Variants in ZNF423 observed in about 807,000 individuals in gnomAD.
The protein encoded by ZNF423 is Ebf-associated zinc finger protein.
A neutral mutation model predicts 95.8 loss-of-function variants in ZNF423; 12 were observed. The observed-to-expected ratio is 0.13, with a 90% CI of 0.08 to 0.20. The LOEUF (loss-of-function observed/expected upper bound fraction) is 0.20. Among genes scored for constraint, ZNF423 ranks in the 10% least tolerant of loss-of-function variants. The probability of loss-of-function intolerance (pLI) is 1.00; values close to 1 mark genes in which losing one functional copy is unlikely to be tolerated. For synonymous variants in ZNF423, 749 were observed against 711.9 expected (o/e 1.05, Z -0.83); for missense variants, 1,316 against 1,737.1 (o/e 0.76, Z 4.31).
chr16:49,809,258 G>GCT (rs2034713476), intron 1 of ZNF423, among the ~76,000 whole-genome samples: 1 of 152,258 alleles, frequency 6.6e-6, no homozygotes, highest in Non-Finnish European at 1.5e-5. Context: ...ACACAGAGAA[G>GCT]CTCTCCCACA....
At chr16:49,678,202 A>G (rs1364307782) in intron 3 of ZNF423, among the ~76,000 whole-genome samples, 1 of 151,916 alleles carries the variant, frequency 6.6e-6, no homozygotes, top group Non-Finnish European at 1.5e-5. Context: ...ATAAAATATT[A>G]CATTTTATTT....
chr16:49,761,047 TACATGCACACACACAC>T (rs1347269303), intron 2 of ZNF423, among the ~76,000 whole-genome samples: 1 of 110,236 alleles, frequency 9.1e-6, no homozygotes, highest in Non-Finnish European at 1.8e-5. Context: ...TGCACACACA[TACATGCACACACACAC>T]ACATGCACAC....
intron 3 of ZNF423, among the ~76,000 whole-genome samples, chr16:49,726,112 A>T (rs1281588386): frequency 6.6e-6 from 1 of 152,196 alleles, no homozygotes; most frequent in Non-Finnish European, 1.5e-5. Flanking sequence ...GGCATGTTCC[A>T]GGACTGGCAC....
chr16:49,856,424 C>A (rs1233059998), upstream of ZNF423, among the ~76,000 whole-genome samples: 3 of 109,212 alleles, frequency 2.7e-5, no homozygotes, highest in East Asian at 7.3e-4. Flanking sequence ...CAGTACCCCC[C>A]AGGAAAAAAA....
chr16:49,830,410 C>A (rs1268560766), intron 1 of ZNF423, among the ~76,000 whole-genome samples: 1 of 152,180 alleles, frequency 6.6e-6, no homozygotes, highest in Admixed American at 6.5e-5. Flanking sequence ...GGGTGCTCCC[C>A]AGCAGCCTTT....
chr16:49,787,590 T>C (rs1861335), intron 2 of ZNF423, among the ~76,000 whole-genome samples: 32,213 of 152,076 alleles, frequency 0.21, 3,470 homozygotes, highest in East Asian at 0.32. Context: ...TGCCCAACTA[T>C]GGAATTACAG....
At chr16:49,708,549 C>G (rs1348840203) in intron 3 of ZNF423, among the ~76,000 whole-genome samples, 1 of 152,142 alleles carries the variant, frequency 6.6e-6, no homozygotes, top group African/African-American at 2.4e-5. Context: ...CTCGGCTTCC[C>G]AAAGTGCTGA....
chr16:49,854,374 C>T, intron 1 of ZNF423: 4 of 985,470 alleles, frequency 4.1e-6, no homozygotes, highest in Non-Finnish European at 4.8e-6. Context: ...TGACGAGTGT[C>T]TCAAGATCCT....
Position 49,855,517 on chromosome 16 carries a change from G to A in ZNF423, c.40+218C>T, listed in dbSNP as rs1325279852. 1.0e-5 allele frequency among the ~76,000 whole-genome samples: 1 copy of A among 98,178 alleles called. No individual in the cohort carries two copies. The allele number at this position is 98,178 out of a possible 152,430, so 64.4% of individuals were successfully genotyped here. On this transcript the variant is annotated intron_variant, in intron 1 of 7. Coordinates refer to ENST00000563137, the MANE Select transcript of ZNF423 (RefSeq NM_001379286.1). The surrounding 1 kb of genome is among the most constrained non-coding windows in gnomAD (Gnocchi z 4.7). Reference sequence around the variant, plus strand: ...GTGTCCGCGGCGTACCCCCTCCGCCGCCGCCGCCGCCGCCGCCGCCTCCGC... The same window carrying A: ...GTGTCCGCGGCGTACCCCCTCCGCCACCGCCGCCGCCGCCGCCGCCTCCGC...
At chr16:49,679,392 G>C (rs1444648266) in intron 3 of ZNF423, among the ~76,000 whole-genome samples, 2 of 152,218 alleles carry the variant, frequency 1.3e-5, no homozygotes, top group African/African-American at 4.8e-5. Context: ...AGCCTGGGAG[G>C]CCCCCCTCTC....
chr16:49,858,724 C>CT, upstream of ZNF423, among the ~76,000 whole-genome samples: 1 of 143,064 alleles, frequency 7.0e-6, no homozygotes, highest in Non-Finnish European at 1.6e-5. This position sits in a 1 kb window ranked among gnomAD's most constrained non-coding sequence, Gnocchi z 4.3. Flanking sequence ...GGAGCCCCCC[C>CT]CCCCACGCCC....
At chr16:49,783,204 G>A (rs556400174) in intron 2 of ZNF423, among the ~76,000 whole-genome samples, 11 of 152,202 alleles carry the variant, frequency 7.2e-5, no homozygotes, top group African/African-American at 2.6e-4. Context: ...GGGATGGGCG[G>A]GAGAGACAGG....
chr16:49,763,908 C>A (rs946065222), intron 2 of ZNF423, among the ~76,000 whole-genome samples: 1 of 152,146 alleles, frequency 6.6e-6, no homozygotes, highest in Non-Finnish European at 1.5e-5. Context: ...AAAGCATTTC[C>A]ATCACCATGT....
In ZNF423 at chr16:49,556,182, G is replaced by T. The variant is rs193043950; in HGVS notation, c.3602-30688C>A. Among the ~76,000 whole-genome samples the T allele has an allele frequency of 2.0e-4, 31 of 152,310 alleles. No individual in the cohort carries two copies. In the East Asian group the frequency reaches 5.2e-3, roughly 26 times the overall value. On this transcript the variant is annotated intron_variant, in intron 5 of 7. Coordinates refer to ENST00000563137, the MANE Select transcript of ZNF423 (RefSeq NM_001379286.1). The stretch of plus-strand genomic sequence containing the variant: ...AGAATTTAAAGGGCATCAGGTAAAG[G>T]CAAGCCACATACAGAAAGAGGCAGT...
intron 2 of ZNF423, among the ~76,000 whole-genome samples, chr16:49,761,406 G>A (rs2033830997): frequency 6.6e-6 from 1 of 152,202 alleles, no homozygotes; most frequent in Non-Finnish European, 1.5e-5. Flanking sequence ...TCCCCAGCGA[G>A]CCTGCTCAAA....
At chr16:49,700,912 A>G (rs1265811066) in intron 3 of ZNF423, among the ~76,000 whole-genome samples, 1 of 151,904 alleles carries the variant, frequency 6.6e-6, no homozygotes, top group Non-Finnish European at 1.5e-5. Context: ...AGAAAGGAGG[A>G]GGGAGGAGGG....
Position 49,837,270 on chromosome 16 carries a change from G to T in ZNF423, c.40+18465C>A, listed in dbSNP as rs557319699. Among the ~76,000 whole-genome samples, 6 of 152,160 alleles carry T rather than the reference G, an allele frequency of 3.9e-5. No homozygotes were observed. The East Asian group carries it at 7.7e-4, about 20-fold the overall frequency. On this transcript the variant is annotated intron_variant, in intron 1 of 7. Coordinates refer to ENST00000563137, the MANE Select transcript of ZNF423 (RefSeq NM_001379286.1). ...CAGCCTGCCTGCCAGCTGGACACAGGCCCTGCTACACGTGGCTGTGTGAGC... is the reference window on the plus strand; with the variant it reads ...CAGCCTGCCTGCCAGCTGGACACAGTCCCTGCTACACGTGGCTGTGTGAGC...
chr16:49,753,875 A>G (rs1378503215), intron 2 of ZNF423, among the ~76,000 whole-genome samples: 2 of 152,150 alleles, frequency 1.3e-5, no homozygotes, highest in Non-Finnish European at 2.9e-5. Context: ...TACTAAAAGT[A>G]CAAAAATTAG....
chr16:49,821,836 C>T (rs2034946167), intron 1 of ZNF423, among the ~76,000 whole-genome samples: 1 of 152,140 alleles, frequency 6.6e-6, no homozygotes, highest in Non-Finnish European at 1.5e-5. Context: ...TATTTATTAC[C>T]ACCCCCGACA....
Sources: gnomAD v4.1 joint callset for allele counts (sites outside exome capture counted in the v4.1 genomes callset) on GRCh38, gnomAD v4.1.1 for gene constraint, Gnocchi (gnomAD v3.1) non-coding constraint, MANE v1.5 for transcripts, NCBI Gene and HGNC (gene_info 2026-07-23, HGNC 2026-07-21) for gene names.